The following CD99 variants were observed in gnomAD, a reference collection of about 807,000 sequenced individuals.
CD99 encodes the protein CD99 molecule (Xg blood group), also known as CD99 antigen.
CD99 carries 19 observed loss-of-function variants against 28.4 expected under a neutral mutation model. The observed-to-expected ratio is 0.67, with a 90% confidence interval of 0.47 to 0.98. The LOEUF is 0.98. Ranked by LOEUF, CD99 falls within the 50% of genes least tolerant of loss-of-function variation. CD99 has a pLI of 0.00. For missense variants in CD99, 283 were observed against 248.8 expected (o/e 1.14, Z -0.92); for synonymous variants, 103 against 92.1 (o/e 1.12, Z -0.67).
intron 1 of CD99, among the ~76,000 whole-genome samples, chrX:2,709,322 G>T (rs1477171485): frequency 1.4e-5 from 2 of 146,116 alleles, no homozygotes; most frequent in African/African-American, 4.9e-5. Context: ...ACATACTCCT[G>T]CAGTGCACAT....
At chrX:2,735,783 T>C (rs1189069534) in intron 8 of CD99, among the ~76,000 whole-genome samples, 1 of 152,224 alleles carries the variant, frequency 6.6e-6, no homozygotes, top group Non-Finnish European at 1.5e-5. Flanking sequence ...GGTTTTCCTC[T>C]CTTTTTCTTA....
intron 6 of CD99, 23 bp from the exon 7 acceptor site, chrX:2,723,291 C>G (rs774478374): frequency 6.2e-7 from 1 of 1,613,822 alleles, no homozygotes. Flanking sequence ...CTTCCCATTG[C>G]AGACGTTGTT....
intron 1 of CD99, among the ~76,000 whole-genome samples, chrX:2,694,716 G>A (rs1018176403): frequency 4.6e-5 from 7 of 151,786 alleles, no homozygotes; most frequent in East Asian, 1.9e-4. Flanking sequence ...TCGTGTCACC[G>A]CATTATGGCC....
At chrX:2,695,213 CT>C (rs760616226) in intron 1 of CD99, among the ~76,000 whole-genome samples, 2 of 148,206 alleles carry the variant, frequency 1.3e-5, no homozygotes, top group Admixed American at 6.8e-5. Flanking sequence ...GAGGAAAAGT[CT>C]TTTTTTTTTG....
chrX:2,740,073 CAA>C (rs978284994), intron 9 of CD99, among the ~76,000 whole-genome samples: 1 of 151,578 alleles, frequency 6.6e-6, no homozygotes, highest in African/African-American at 2.4e-5. Flanking sequence ...GCCTGGGCAA[CAA>C]GAGCAAAACT....
At chrX:2,716,780 A>T (rs7051896) in intron 2 of CD99, among the ~76,000 whole-genome samples, 58,730 of 151,914 alleles carry the variant, frequency 0.39, 11,549 homozygotes, top group Middle Eastern at 0.53. Context: ...GGGAACAACC[A>T]TTCCCTGCAG....
chrX:2,722,699 C>A, intron 6 of CD99, 25 bp downstream of exon 6: 2 of 1,612,594 alleles, frequency 1.2e-6, no homozygotes, highest in African/African-American at 1.3e-5. Flanking sequence ...TTTTCTGTCT[C>A]TTTTCTCTCT....
intron 8 of CD99, among the ~76,000 whole-genome samples, chrX:2,726,769 G>A (rs185318179): frequency 2.0e-5 from 3 of 152,120 alleles, no homozygotes; most frequent in Admixed American, 1.3e-4. Context: ...ATTTACAACC[G>A]ATGTCATCAT....
chrX:2,691,926 A>C (rs1223750090), intron 1 of CD99: 1 of 779,134 alleles, frequency 1.3e-6, no homozygotes, highest in Non-Finnish European at 2.4e-6. Flanking sequence ...GGGAAGGAAA[A>C]GTTAGAAAAA....
intron 5 of CD99, 133 bp from the exon 6 acceptor site, chrX:2,722,494 T>C: frequency 5.1e-6 from 4 of 783,696 alleles, no homozygotes; most frequent in Non-Finnish European, 9.1e-6. Context: ...CTAATTTTTA[T>C]ATTCTTAGTG....
At chrX:2,708,648 G>A (rs1421834889) in intron 1 of CD99, among the ~76,000 whole-genome samples, 2 of 152,168 alleles carry the variant, frequency 1.3e-5, no homozygotes, top group African/African-American at 4.8e-5. Context: ...GGGCTGAGGC[G>A]AGTTCTCCAA....
At chrX:2,705,737 C>T (rs1025839580) in intron 1 of CD99, among the ~76,000 whole-genome samples, 5 of 152,032 alleles carry the variant, frequency 3.3e-5, no homozygotes, top group South Asian at 2.1e-4. Flanking sequence ...GCCCTGTGAC[C>T]GATCGTCTGC....
chrX:2,717,089 G>A (rs207478059), intron 2 of CD99, among the ~76,000 whole-genome samples: 1 of 152,088 alleles, frequency 6.6e-6, no homozygotes. Context: ...GCTCAAGCCT[G>A]TCATCCCAGC....
chrX:2,726,859 A>G (rs951912718), intron 8 of CD99, among the ~76,000 whole-genome samples: 1 of 152,116 alleles, frequency 6.6e-6, no homozygotes. Context: ...ACAAGGCCGG[A>G]CATGGTGGCT....
At chrX:2,723,488 G>A (rs1329015659) in intron 7 of CD99, 124 bp downstream of exon 7, 19 of 1,118,856 alleles carry the variant, frequency 1.7e-5, no homozygotes, top group South Asian at 5.0e-5. Flanking sequence ...CAGGAGGCAC[G>A]GGTGTTCTGT....
chrX:2,706,063 G>GAAAA (rs3047482), intron 1 of CD99, among the ~76,000 whole-genome samples: 10 of 142,970 alleles, frequency 7.0e-5, no homozygotes, highest in South Asian at 2.2e-4. Context: ...ACGTTAAAAA[G>GAAAA]AAAAAAAAAA....
intron 8 of CD99, among the ~76,000 whole-genome samples, chrX:2,737,617 C>A (rs28659837): frequency 0.35 from 52,709 of 151,658 alleles, 9,146 homozygotes; most frequent in East Asian, 0.38. Flanking sequence ...GCCTCAGCCT[C>A]CCGAGTAGCT....
chrX:2,715,817 G>A (rs2048679725), intron 2 of CD99, among the ~76,000 whole-genome samples: 1 of 152,038 alleles, frequency 6.6e-6, no homozygotes, highest in Non-Finnish European at 1.5e-5. Flanking sequence ...GTGAACGCTG[G>A]TCTCTTCCCT....
rs1265909598 is a variant in CD99 at position 2,717,642 on chromosome X, A to T, written c.138A>T (p.Lys46Asn). 2 of 1,613,488 alleles carry T rather than the reference A, an allele frequency of 1.2e-6. No individual in the cohort carries two copies. Among genetic ancestry groups the T allele is most frequent in the Admixed American group, 3.3e-5 (2 of 59,988 alleles). Residue 46 changes from lysine (K) to asparagine (N), a missense_variant, in exon 3 of 10, where the codon AAA (lysine) becomes AAT (asparagine). Transcript: ENST00000381192. ...AGAAACCCACTGCAATCCCCAAGAA[A>T]CCCAGTGCTGGTGAGAAGGGCTTCT... ...ENKKPTAIPK[K>N]PSAGDDFDLG... is the part of the protein sequence containing the mutation.
Sources: allele counts gnomAD v4.1 joint callset (sites outside exome capture counted in the v4.1 genomes callset), GRCh38; gene constraint gnomAD v4.1.1; transcripts MANE v1.5; gene names NCBI Gene and HGNC (gene_info 2026-07-23, HGNC 2026-07-21).